TBL1X: variants seen among roughly 807,000 people sequenced by gnomAD.
TBL1X encodes transducin beta like 1 X-linked.
In TBL1X, 10 loss-of-function variants were observed where a neutral mutation model predicts 50.7. The ratio of observed to expected loss-of-function variants is 0.20; its 90% CI spans 0.12 to 0.33. The LOEUF (loss-of-function observed/expected upper bound fraction) is 0.33. Ranked by LOEUF, TBL1X falls within the 10% of genes least tolerant of loss-of-function variation. The pLI, the probability that TBL1X is intolerant of heterozygous loss-of-function variation, is 1.00. For missense variants in TBL1X, 340 were observed against 504.4 expected (o/e 0.67, Z 3.12); for synonymous variants, 190 against 214.7 (o/e 0.88, Z 1.01).
intron 2 of TBL1X, among the ~76,000 whole-genome samples, chrX:9,548,144 T>G (rs1468659999): frequency 1.8e-5 from 2 of 110,007 alleles, no homozygotes; most frequent in African/African-American, 6.6e-5. Flanking sequence ...TACTTAATTT[T>G]TCTCCGATGT....
At chrX:9,515,082 A>G (rs1011961092) in intron 2 of TBL1X, among the ~76,000 whole-genome samples, 1 of 111,397 alleles carries the variant, frequency 9.0e-6, no homozygotes, top group African/African-American at 3.3e-5. Context: ...AAATGAGACA[A>G]ATCATTTCCC....
chrX:9,564,603 C>T (rs978857760), intron 2 of TBL1X, among the ~76,000 whole-genome samples: 3 of 110,798 alleles, frequency 2.7e-5, no homozygotes, highest in African/African-American at 9.9e-5. Context: ...CGTGGTGGCG[C>T]GTGCCTGTTG....
intron 1 of TBL1X, among the ~76,000 whole-genome samples, chrX:9,467,031 ACTT>A (rs781671355): frequency 1.8e-5 from 2 of 112,107 alleles, no homozygotes; most frequent in South Asian, 7.4e-4. Flanking sequence ...ACCTCAGAGA[ACTT>A]CTCTCTGTCA....
intron 3 of TBL1X, among the ~76,000 whole-genome samples, chrX:9,650,195 C>A (rs761839976): frequency 1.8e-5 from 2 of 112,652 alleles, no homozygotes; most frequent in Non-Finnish European, 3.7e-5. Context: ...TATTTTCCCT[C>A]TAAAGAGCAA....
intron 6 of TBL1X, among the ~76,000 whole-genome samples, chrX:9,687,283 G>A (rs368363439): frequency 4.4e-5 from 5 of 112,469 alleles, no homozygotes; most frequent in East Asian, 5.5e-4. Flanking sequence ...GCTATGGTTA[G>A]TCTAACCCTG....
intron 12 of TBL1X, among the ~76,000 whole-genome samples, chrX:9,701,717 C>T (rs1384661710): frequency 9.0e-6 from 1 of 111,035 alleles, no homozygotes; most frequent in African/African-American, 3.3e-5. Context: ...GAGGAGTCAT[C>T]AGATGCTGGT....
chrX:9,525,864 A>T (rs1225678469), intron 2 of TBL1X, among the ~76,000 whole-genome samples: 1 of 111,037 alleles, frequency 9.0e-6, no homozygotes, highest in African/African-American at 3.3e-5. Context: ...TAAAAAAAAA[A>T]CCCCTAATAC....
intron 9 of TBL1X, among the ~76,000 whole-genome samples, chrX:9,692,588 A>G (rs1457615392): frequency 8.9e-6 from 1 of 111,924 alleles, no homozygotes; most frequent in Non-Finnish European, 1.9e-5. Context: ...TTGTATTTTT[A>G]GTAGAGATGG....
At chrX:9,705,248 C>T (rs2083199649) in intron 13 of TBL1X, 134 bp downstream of exon 13, 72 of 1,055,618 alleles carry the variant, frequency 6.8e-5, no homozygotes, top group Non-Finnish European at 9.1e-5. Context: ...TTTGAGCTGT[C>T]ATGGTTACCC....
intron 2 of TBL1X, among the ~76,000 whole-genome samples, chrX:9,622,705 T>C (rs975739510): frequency 3.3e-4 from 37 of 112,126 alleles, no homozygotes; most frequent in Non-Finnish European, 2.3e-4. Flanking sequence ...TTTTGCCATG[T>C]TGGCCAGGCT....
chrX:9,515,455 C>A (rs2082077022), intron 2 of TBL1X, among the ~76,000 whole-genome samples: 1 of 112,269 alleles, frequency 8.9e-6, no homozygotes, highest in Admixed American at 9.4e-5. Context: ...TTGGAAATGG[C>A]AAACACCCCA....
At chrX:9,604,878 C>A (rs768523386) in intron 2 of TBL1X, among the ~76,000 whole-genome samples, 6 of 110,966 alleles carry the variant, frequency 5.4e-5, no homozygotes, top group Non-Finnish European at 9.5e-5. Context: ...GAATCCAAGG[C>A]CTTTCCCGTG....
At chrX:9,604,289 C>T (rs1305531464) in intron 2 of TBL1X, among the ~76,000 whole-genome samples, 1 of 112,036 alleles carries the variant, frequency 8.9e-6, no homozygotes, top group African/African-American at 3.2e-5. Context: ...GGCAGTGTTG[C>T]GTGAAAGGGC....
intron 2 of TBL1X, among the ~76,000 whole-genome samples, chrX:9,531,731 G>C (rs112908118): frequency 0.047 from 5,066 of 108,405 alleles, 313 homozygotes; most frequent in African/African-American, 0.16. Flanking sequence ...ATAATGAGAG[G>C]CTCTTTTTTT....
intron 2 of TBL1X, among the ~76,000 whole-genome samples, chrX:9,561,745 C>T (rs1436344318): frequency 2.7e-5 from 3 of 111,393 alleles, no homozygotes; most frequent in Non-Finnish European, 5.7e-5. Flanking sequence ...TATTTTTTTC[C>T]CTCTCTATAG....
chrX:9,541,338 G>T (rs2082213669), intron 2 of TBL1X, among the ~76,000 whole-genome samples: 1 of 110,134 alleles, frequency 9.1e-6, no homozygotes, highest in African/African-American at 3.3e-5. Flanking sequence ...AAAGGTATCT[G>T]CCTTGCACAT....
chrX:9,650,644 A>G (rs1373547770), intron 3 of TBL1X, among the ~76,000 whole-genome samples: 1 of 111,685 alleles, frequency 9.0e-6, no homozygotes, highest in African/African-American at 3.3e-5. Flanking sequence ...CCCTGTTCCT[A>G]AGCCTGTCCA....
intron 2 of TBL1X, among the ~76,000 whole-genome samples, chrX:9,516,208 A>G (rs1471238192): frequency 9.0e-6 from 1 of 111,509 alleles, no homozygotes; most frequent in African/African-American, 3.3e-5. Flanking sequence ...TTAAGAACCA[A>G]GGGTCCATAA....
intron 2 of TBL1X, among the ~76,000 whole-genome samples, chrX:9,630,172 C>T (rs964285899): frequency 6.3e-5 from 7 of 111,792 alleles, no homozygotes; most frequent in African/African-American, 1.3e-4. Flanking sequence ...TCTAACAGAC[C>T]GGCATCATCG....
Sources: allele counts gnomAD v4.1 joint callset (sites outside exome capture counted in the v4.1 genomes callset), GRCh38; gene constraint gnomAD v4.1.1; transcripts MANE v1.5; gene names NCBI Gene and HGNC (gene_info 2026-07-23, HGNC 2026-07-21).